Variants in DPRX observed in about 807,000 individuals in gnomAD.
DPRX encodes divergent-paired related homeobox.
A neutral mutation model predicts 8.4 loss-of-function variants in DPRX; 11 were observed. The ratio of observed to expected loss-of-function variants is 1.31; its 90% CI spans 0.82 to 2.17. The LOEUF is 2.17. DPRX is among the 30% of genes most tolerant of loss of function. DPRX has a pLI of 0.00. For synonymous variants in DPRX, 72 were observed against 87.0 expected (o/e 0.83, Z 0.96); for missense variants, 211 against 236.7 (o/e 0.89, Z 0.71).
At chr19:53,621,343 G>C in the DPRX span, among the ~76,000 whole-genome samples, 3 of 151,888 alleles carry the variant, frequency 2.0e-5, no homozygotes, top group African/African-American at 4.8e-5. Flanking sequence ...CTGTTGCCCA[G>C]ATTGGTCTTG....
chr19:53,634,969 C>T (rs1356637946), intron 2 of DPRX, among the ~76,000 whole-genome samples: 1 of 152,322 alleles, frequency 6.6e-6, no homozygotes, highest in East Asian at 1.9e-4. Flanking sequence ...CAGCCACAGA[C>T]AACGTAAACA....
At chr19:53,634,560 C>G in exon 2 of DPRX, 1 of 1,613,818 alleles carries the variant, frequency 6.2e-7, no homozygotes, top group Non-Finnish European at 8.5e-7. Context: ...ACACAGGAAA[C>G]GAACCATGTT....
At chr19:53,634,624 C>T (rs1304315875) in exon 2 of DPRX, 1 of 1,614,018 alleles carries the variant, frequency 6.2e-7, no homozygotes, top group Non-Finnish European at 8.5e-7. Context: ...AACCCATACC[C>T]AAACCCCAGC....
chr19:53,605,440 G>A, the DPRX span, among the ~76,000 whole-genome samples: 3 of 150,190 alleles, frequency 2.0e-5, no homozygotes, highest in African/African-American at 7.3e-5. Flanking sequence ...GCAGTGGCGC[G>A]ATCTTAGCTC....
chr19:53,609,482 A>C, the DPRX span, among the ~76,000 whole-genome samples: 1 of 149,588 alleles, frequency 6.7e-6, no homozygotes, highest in African/African-American at 2.4e-5. Context: ...AAAAAAAAAA[A>C]AAAAAAAAAA....
chr19:53,624,466 G>T, the DPRX span, among the ~76,000 whole-genome samples: 3 of 151,512 alleles, frequency 2.0e-5, no homozygotes, highest in South Asian at 4.2e-4. Flanking sequence ...GCAGTGGCTT[G>T]ATCTTGGCTC....
the DPRX span, among the ~76,000 whole-genome samples, chr19:53,608,973 AAG>A: frequency 3.3e-5 from 3 of 90,594 alleles, no homozygotes; most frequent in South Asian, 3.2e-4. Context: ...AAAAAAAAAA[AAG>A]GAAAGAAAAG....
At chr19:53,622,528 G>C in the DPRX span, among the ~76,000 whole-genome samples, 1 of 151,998 alleles carries the variant, frequency 6.6e-6, no homozygotes, top group Admixed American at 6.6e-5. Flanking sequence ...ACTTTTACAG[G>C]GCTGTGGTTG....
chr19:53,613,481 G>A, the DPRX span, among the ~76,000 whole-genome samples: 1 of 151,670 alleles, frequency 6.6e-6, no homozygotes, highest in Non-Finnish European at 1.5e-5. Flanking sequence ...CCAAGTATCT[G>A]GAATTACGGG....
chr19:53,617,744 T>C, the DPRX span, among the ~76,000 whole-genome samples: 1 of 152,102 alleles, frequency 6.6e-6, no homozygotes, highest in Non-Finnish European at 1.5e-5. Flanking sequence ...AATTTCTTCT[T>C]TATTAAAGAG....
At chr19:53,625,827 G>A in the DPRX span, among the ~76,000 whole-genome samples, 9 of 151,920 alleles carry the variant, frequency 5.9e-5, no homozygotes, top group Non-Finnish European at 1.0e-4. Context: ...TAGTAGAGAC[G>A]GGGTTTCACC....
the DPRX span, among the ~76,000 whole-genome samples, chr19:53,605,808 G>A: frequency 0.13 from 20,436 of 151,836 alleles, 1,665 homozygotes; most frequent in Admixed American, 0.18. Context: ...GGGACTACAG[G>A]CACGTTCCAG....
chr19:53,622,433 G>A, the DPRX span, among the ~76,000 whole-genome samples: 8 of 152,068 alleles, frequency 5.3e-5, no homozygotes, highest in Non-Finnish European at 1.0e-4. Context: ...GCCCAGAAGC[G>A]TAAGATCAGC....
the DPRX span, among the ~76,000 whole-genome samples, chr19:53,624,360 A>G: frequency 6.7e-6 from 1 of 148,736 alleles, no homozygotes; most frequent in Non-Finnish European, 1.5e-5. Flanking sequence ...AAGGGCTGGG[A>G]TTACAGGCAC....
chr19:53,616,901 T>C, the DPRX span: 1 of 1,480,738 alleles, frequency 6.8e-7, no homozygotes, highest in Non-Finnish European at 9.4e-7. Context: ...GCCATGACTA[T>C]GTATGCTCTG....
At chr19:53,616,069 A>G in the DPRX span, among the ~76,000 whole-genome samples, 10 of 151,984 alleles carry the variant, frequency 6.6e-5, no homozygotes, top group Non-Finnish European at 1.3e-4. Flanking sequence ...CCTGACCAAC[A>G]TGGAGAAACC....
At chr19:53,614,581 C>T in the DPRX span, among the ~76,000 whole-genome samples, 11 of 152,074 alleles carry the variant, frequency 7.2e-5, no homozygotes, top group African/African-American at 2.6e-4. Flanking sequence ...AAACAGAAGT[C>T]GTTAATTTTA....
the DPRX span, among the ~76,000 whole-genome samples, chr19:53,605,805 C>T: frequency 6.6e-6 from 1 of 151,914 alleles, no homozygotes; most frequent in Non-Finnish European, 1.5e-5. Flanking sequence ...GCTGGGACTA[C>T]AGGCACGTTC....
the DPRX span, among the ~76,000 whole-genome samples, chr19:53,607,688 C>CTA: frequency 1.7e-5 from 1 of 57,360 alleles, no homozygotes; most frequent in Middle Eastern, 0.011. Context: ...CCCGTCTCTA[C>CTA]CAAAAAAAAA....
Sources: allele counts gnomAD v4.1 joint callset (sites outside exome capture counted in the v4.1 genomes callset), GRCh38; gene constraint gnomAD v4.1.1; transcripts MANE v1.5; gene names NCBI Gene and HGNC (gene_info 2026-07-23, HGNC 2026-07-21).